DNAJC6: variants seen among roughly 807,000 people sequenced by gnomAD.
DNAJC6 encodes DnaJ heat shock protein family (Hsp40) member C6, also known as auxilin.
A neutral mutation model predicts 110.0 loss-of-function variants in DNAJC6; 34 were observed. That is an observed-to-expected ratio of 0.31 (90% confidence interval 0.24 to 0.41). The LOEUF (loss-of-function observed/expected upper bound fraction) is 0.41, where lower values mean the gene tolerates loss of function less well. Ranked by LOEUF, DNAJC6 falls within the 10% of genes least tolerant of loss-of-function variation. The pLI is 1.00. For missense variants in DNAJC6, 1,031 were observed against 1,207.8 expected (o/e 0.85, Z 2.17); for synonymous variants, 406 against 437.2 (o/e 0.93, Z 0.89).
rs895749847 is a variant in DNAJC6 at position 65,366,174 on chromosome 1, G to C, written c.521G>C (p.Arg174Pro). The change falls in exon 4 of 19, where the codon CGA becomes CCA. Residue 174 changes from arginine to proline, a missense_variant. By Grantham distance (103) the Arg-to-Pro change is moderately radical. Transcript: ENST00000371069. ...TVYNLSPKSY[R>P]TAKFHSRVSE... ...TACAATCTGTCACCTAAGTCTTATC[G>C]AACTGCCAAGTTTCACAGCCGGGTA... is the stretch of plus-strand genomic sequence containing the variant. 1 of 1,613,404 alleles carries C rather than the reference G, an allele frequency of 6.2e-7. No individual in the cohort carries two copies. Among genetic ancestry groups the C allele is most frequent in the African/African-American group, 1.3e-5 (1 of 74,950 alleles).
At chr1:65,382,197 T>C (rs1645828649) in intron 5 of DNAJC6, among the ~76,000 whole-genome samples, 1 of 152,222 alleles carries the variant, frequency 6.6e-6, no homozygotes, top group Non-Finnish European at 1.5e-5. Flanking sequence ...TGAGCACATA[T>C]CAAACCAACA....
intron 14 of DNAJC6, among the ~76,000 whole-genome samples, chr1:65,399,489 A>G (rs908391984): frequency 7.9e-5 from 12 of 152,152 alleles, no homozygotes; most frequent in African/African-American, 2.9e-4. Context: ...TGGGCTTATC[A>G]CAACAACTTT....
chr1:65,307,282 AT>A (rs1489348442), upstream of DNAJC6, among the ~76,000 whole-genome samples: 1 of 151,812 alleles, frequency 6.6e-6, no homozygotes, highest in Non-Finnish European at 1.5e-5. Flanking sequence ...TATATCTTCA[AT>A]TTTATAGGAT....
chr1:65,407,647 A>G (rs1646089567), intron 16 of DNAJC6, among the ~76,000 whole-genome samples: 1 of 152,192 alleles, frequency 6.6e-6, no homozygotes. Flanking sequence ...GAGTCATGCC[A>G]ATTCCCCTCC....
intron 1 of DNAJC6, among the ~76,000 whole-genome samples, chr1:65,353,060 T>C (rs1645507155): frequency 6.6e-6 from 1 of 152,178 alleles, no homozygotes; most frequent in Non-Finnish European, 1.5e-5. Flanking sequence ...CTATTCTCTA[T>C]CATAGACAAG....
At chr1:65,393,094 T>A (rs1457495556) in intron 12 of DNAJC6, among the ~76,000 whole-genome samples, 1 of 152,174 alleles carries the variant, frequency 6.6e-6, no homozygotes, top group Non-Finnish European at 1.5e-5. Flanking sequence ...AGCTTCACAC[T>A]CTTACTTCTA....
At chr1:65,385,661 T>C (rs945312687) in intron 6 of DNAJC6, 51 bp from the exon 7 acceptor site, 2 of 1,389,224 alleles carry the variant, frequency 1.4e-6, no homozygotes, top group African/African-American at 2.8e-5. Flanking sequence ...ATTGATTGCT[T>C]GCTTCTCCTG....
chr1:65,309,961 C>A (rs1645082682), intron 1 of DNAJC6, 23 bp downstream of exon 1: 1 of 1,386,858 alleles, frequency 7.2e-7, no homozygotes, highest in Non-Finnish European at 9.3e-7. Flanking sequence ...GAGGGGAGTG[C>A]AGCGCTGAGC....
At chr1:65,388,315 G>C in intron 8 of DNAJC6, 21 bp from the exon 9 acceptor site, 1 of 1,603,238 alleles carries the variant, frequency 6.2e-7, no homozygotes, top group South Asian at 1.1e-5. Flanking sequence ...ATTGTAATGT[G>C]CTTCTCTCAT....
At chr1:65,265,975 T>G (rs1391462834) in intron 1 of DNAJC6, among the ~76,000 whole-genome samples, 1 of 152,240 alleles carries the variant, frequency 6.6e-6, no homozygotes. Flanking sequence ...AGTCTGCGCT[T>G]CGAGTGCGCT....
At chr1:65,366,398 T>C (rs962198305) in intron 4 of DNAJC6, among the ~76,000 whole-genome samples, 1 of 152,218 alleles carries the variant, frequency 6.6e-6, no homozygotes, top group Non-Finnish European at 1.5e-5. Context: ...TACAGGAAAG[T>C]GTATCTGTCA....
intron 1 of DNAJC6, among the ~76,000 whole-genome samples, chr1:65,331,608 T>A (rs2101454271): frequency 6.6e-6 from 1 of 152,214 alleles, no homozygotes; most frequent in South Asian, 2.1e-4. Flanking sequence ...CAGACCAGAG[T>A]TGCTCATTAA....
intron 1 of DNAJC6, among the ~76,000 whole-genome samples, chr1:65,350,139 C>T (rs1275145768): frequency 1.3e-5 from 2 of 152,114 alleles, no homozygotes; most frequent in Admixed American, 6.6e-5. Context: ...TTTCTTCCTG[C>T]GTCCCTTCTT....
intron 1 of DNAJC6, among the ~76,000 whole-genome samples, chr1:65,346,015 G>A (rs1645433979): frequency 6.6e-6 from 1 of 152,160 alleles, no homozygotes; most frequent in Admixed American, 6.5e-5. Context: ...TTGTACTTAG[G>A]TAGCAGATTT....
chr1:65,300,595 A>G (rs924571837), intron 1 of DNAJC6, among the ~76,000 whole-genome samples: 1 of 152,226 alleles, frequency 6.6e-6, no homozygotes, highest in South Asian at 2.1e-4. Flanking sequence ...AACATTGAGG[A>G]TCACTAGCAA....
intron 1 of DNAJC6, among the ~76,000 whole-genome samples, chr1:65,333,393 CT>C (rs937754254): frequency 5.9e-5 from 9 of 152,054 alleles, no homozygotes; most frequent in African/African-American, 2.2e-4. Flanking sequence ...ACCATCACTG[CT>C]TTATTTTTAG....
intron 1 of DNAJC6, among the ~76,000 whole-genome samples, chr1:65,291,662 G>A (rs1387617310): frequency 6.6e-6 from 1 of 152,186 alleles, no homozygotes. Flanking sequence ...AGGAGAAGGT[G>A]AGGAAGGGGT....
At chr1:65,291,696 A>C (rs1057245266) in intron 1 of DNAJC6, among the ~76,000 whole-genome samples, 3 of 152,246 alleles carry the variant, frequency 2.0e-5, no homozygotes, top group African/African-American at 7.2e-5. Context: ...AGTGCTGTTA[A>C]GGGTCAGATA....
rs1645077504 is a variant in DNAJC6 at position 65,309,564 on chromosome 1, G to A, written c.-182G>A. 4.8e-6 allele frequency: 6 copies of A among 1,257,758 alleles called. No homozygotes were observed. The highest frequency in any genetic ancestry group is 3.7e-5 in the South Asian group (2 of 53,896). The allele number at this position is 1,257,758 out of a possible 1,614,324, so 77.9% of individuals were successfully genotyped here. Reference sequence around the variant, plus strand: ...CCCCGAGCCGAGCTCAGCCCAGGGCGGCGGCTTCGCCTCGCCCGGCGAAGC... The same window carrying A: ...CCCCGAGCCGAGCTCAGCCCAGGGCAGCGGCTTCGCCTCGCCCGGCGAAGC... On this transcript the variant is annotated 5_prime_UTR_variant, in exon 1 of 19. Coordinates refer to ENST00000371069, the MANE Select transcript of DNAJC6 (RefSeq NM_001256864.2).
Sources: gnomAD v4.1 joint callset for allele counts (sites outside exome capture counted in the v4.1 genomes callset) on GRCh38, gnomAD v4.1.1 for gene constraint, MANE v1.5 for transcripts, NCBI Gene and HGNC (gene_info 2026-07-23, HGNC 2026-07-21) for gene names.